Variants in FRMPD4 observed in about 807,000 individuals in gnomAD.
FRMPD4 encodes the protein FERM and PDZ domain containing 4, also known as FERM and PDZ domain-containing protein 4.
A neutral mutation model predicts 94.1 loss-of-function variants in FRMPD4; 22 were observed. The ratio of observed to expected loss-of-function variants is 0.23; its 90% CI spans 0.17 to 0.33. The LOEUF is 0.33. FRMPD4 is among the 10% of genes least tolerant of loss of function. FRMPD4 has a pLI of 1.00. For missense variants in FRMPD4, 1,111 were observed against 1,339.9 expected, an observed-to-expected ratio of 0.83 and a Z score of 2.67; for synonymous variants, 631 against 548.6, an observed-to-expected ratio of 1.15 and a Z score of -2.10.
intron 3 of FRMPD4, among the ~76,000 whole-genome samples, chrX:11,956,852 A>G (rs1175352045): frequency 8.9e-6 from 1 of 112,295 alleles, no homozygotes; most frequent in Non-Finnish European, 1.9e-5. Context: ...GCAGGTTTGT[A>G]GTTTCAGAAA....
chrX:12,459,776 G>A lies in FRMPD4; in HGVS notation c.42-38904G>A, dbSNP rs73436779. Among the ~76,000 whole-genome samples, 906 of 111,696 alleles carry A rather than the reference G, an allele frequency of 8.1e-3. 11 individuals carry two copies. The highest frequency in any genetic ancestry group is 0.028 in the African/African-American group (859 of 30,793). On this transcript the variant is annotated intron_variant, in intron 1 of 16. Coordinates refer to ENST00000675598, the MANE Select transcript of FRMPD4 (RefSeq NM_001368397.1). ...TATGAACTACCATGTAGAAGTCTGT[G>A]TAGAGACTTGTTTTAATTTCTCTTG...
intron 3 of FRMPD4, among the ~76,000 whole-genome samples, chrX:12,013,093 C>A (rs2054588829): frequency 8.9e-6 from 1 of 111,924 alleles, no homozygotes; most frequent in Non-Finnish European, 1.9e-5. Context: ...TTATAGTGGT[C>A]TCTGGTTCAG....
At chrX:12,278,860 C>T (rs1350654108) in intron 1 of FRMPD4, among the ~76,000 whole-genome samples, 1 of 112,165 alleles carries the variant, frequency 8.9e-6, no homozygotes, top group Non-Finnish European at 1.9e-5. Context: ...TCTATAGCCT[C>T]CCAGAGGTCC....
chrX:12,242,620 C>T (rs1350689481), intron 1 of FRMPD4, among the ~76,000 whole-genome samples: 3 of 112,586 alleles, frequency 2.7e-5, no homozygotes, highest in Non-Finnish European at 5.6e-5. Flanking sequence ...GTGCAAATTA[C>T]ATCTTCCTCC....
intron 1 of FRMPD4, among the ~76,000 whole-genome samples, chrX:12,222,565 T>G (rs1419879705): frequency 8.9e-6 from 1 of 112,301 alleles, no homozygotes; most frequent in Non-Finnish European, 1.9e-5. Flanking sequence ...AGTCAATTTG[T>G]ATGGCTGTAC....
intron 1 of FRMPD4, among the ~76,000 whole-genome samples, chrX:12,250,464 T>C (rs1354380051): frequency 8.9e-6 from 1 of 111,966 alleles, no homozygotes; most frequent in Non-Finnish European, 1.9e-5. Context: ...GAATACCATA[T>C]GCAAATACTC....
At chrX:11,838,594 C>A (rs751850595) in intron 1 of FRMPD4, among the ~76,000 whole-genome samples, 1 of 111,201 alleles carries the variant, frequency 9.0e-6, no homozygotes, top group Admixed American at 9.6e-5. Context: ...CCATTACCCC[C>A]AAAATTTCCC....
chrX:12,170,858 C>T (rs1194775557), intron 1 of FRMPD4, among the ~76,000 whole-genome samples: 2 of 112,912 alleles, frequency 1.8e-5, no homozygotes, highest in Non-Finnish European at 3.7e-5. Flanking sequence ...CATCTAGAAA[C>T]CCCTTGTTGG....
intron 3 of FRMPD4, among the ~76,000 whole-genome samples, chrX:11,974,320 G>A (rs12556424): frequency 0.054 from 5,926 of 110,363 alleles, 158 homozygotes; most frequent in Non-Finnish European, 0.078. Context: ...GTTAAACAGA[G>A]CCTGGCACCT....
intron 1 of FRMPD4, among the ~76,000 whole-genome samples, chrX:12,463,403 T>C (rs764042550): frequency 8.9e-6 from 1 of 112,162 alleles, no homozygotes; most frequent in South Asian, 3.8e-4. Context: ...CCCTAGTCTG[T>C]AGCCCTTCAT....
At chrX:12,465,128 G>T (rs1257312960) in intron 1 of FRMPD4, among the ~76,000 whole-genome samples, 1 of 111,098 alleles carries the variant, frequency 9.0e-6, no homozygotes, top group Non-Finnish European at 1.9e-5. Context: ...TCAAGTGATT[G>T]CCTCTGAAAA....
intron 1 of FRMPD4, among the ~76,000 whole-genome samples, chrX:12,379,860 G>A (rs1178801487): frequency 9.0e-6 from 1 of 111,463 alleles, no homozygotes; most frequent in Non-Finnish European, 1.9e-5. Context: ...AACAATGCTG[G>A]TGATTACTCA....
intron 3 of FRMPD4, among the ~76,000 whole-genome samples, chrX:11,952,501 T>A (rs2054230093): frequency 1.8e-5 from 2 of 112,125 alleles, no homozygotes; most frequent in Admixed American, 1.9e-4. Flanking sequence ...AGAGCCCAAT[T>A]GTAATCTGCG....
chrX:12,134,487 G>A (rs991012700), upstream of FRMPD4, among the ~76,000 whole-genome samples: 2 of 111,981 alleles, frequency 1.8e-5, no homozygotes, highest in Non-Finnish European at 3.8e-5. Context: ...CCAGATGGTC[G>A]AGATGCTTCA....
rs561721372 is a variant in FRMPD4, at chrX:12,557,756, C to G, written c.159-51965C>G. Among the ~76,000 whole-genome samples the G allele has an allele frequency of 5.4e-5, 6 of 111,558 alleles. No individual in the cohort carries two copies. The South Asian group carries it at 2.3e-3, about 42-fold the overall frequency. ...AGTGTTACATGAATGCTGGACCCCC[C>G]CTCCCCAGGTGGGCCCTGACCTTTA... On this transcript the variant is annotated intron_variant, in intron 2 of 16. Transcript: ENST00000675598.
intron 1 of FRMPD4, among the ~76,000 whole-genome samples, chrX:12,234,046 C>A (rs1342650535): frequency 1.8e-5 from 2 of 109,289 alleles, no homozygotes; most frequent in Non-Finnish European, 3.8e-5. Flanking sequence ...AAGTGCTTTC[C>A]TTCTTCAGTT....
rs1474255233 is a variant in FRMPD4 at position 12,568,093 on chromosome X, T to TG, written c.159-41625dup. Among the ~76,000 whole-genome samples, 3 of 111,434 alleles carry TG rather than the reference T, an allele frequency of 2.7e-5. No individual in the cohort carries two copies. The East Asian group carries it at 8.5e-4, about 31-fold the overall frequency. On this transcript the variant is annotated intron_variant, in intron 2 of 16. Coordinates refer to ENST00000675598, the MANE Select transcript of FRMPD4 (RefSeq NM_001368397.1). Reference sequence around the variant, plus strand: ...TGCTTTGAAAAAAATCAGCCTTGAATGGGCAAACACACATCTCATTTTGTT... The same window carrying TG: ...TGCTTTGAAAAAAATCAGCCTTGAATGGGGCAAACACACATCTCATTTTGTT...
intron 3 of FRMPD4, among the ~76,000 whole-genome samples, chrX:12,114,879 A>G (rs780293807): frequency 4.6e-4 from 52 of 112,633 alleles, no homozygotes; most frequent in African/African-American, 1.6e-3. Flanking sequence ...GTTTCCGTGT[A>G]TCTATTTGAT....
chrX:11,998,547 T>A (rs1183558693), intron 3 of FRMPD4, among the ~76,000 whole-genome samples: 1 of 111,137 alleles, frequency 9.0e-6, no homozygotes, highest in Non-Finnish European at 1.9e-5. Context: ...GGTGAGAAAA[T>A]CCAATTTGGC....
Sources: gnomAD v4.1 joint callset for allele counts (sites outside exome capture counted in the v4.1 genomes callset) on GRCh38, gnomAD v4.1.1 for gene constraint, MANE v1.5 for transcripts, NCBI Gene and HGNC (gene_info 2026-07-23, HGNC 2026-07-21) for gene names.